The following ZNF584 variants were observed in gnomAD, a reference collection of about 807,000 sequenced individuals.
The protein encoded by ZNF584 is zinc finger protein 584.
ZNF584 carries 12 observed loss-of-function variants against 14.7 expected under a neutral mutation model. The ratio of observed to expected loss-of-function variants is 0.82; its 90% CI spans 0.52 to 1.32. ZNF584 has a LOEUF of 1.32. Among genes scored for constraint, ZNF584 ranks in the 40% most tolerant of loss-of-function variants. ZNF584 has a pLI of 0.00. For missense variants in ZNF584, 478 were observed against 518.8 expected, an observed-to-expected ratio of 0.92 and a Z score of 0.76; for synonymous variants, 204 against 190.9, an observed-to-expected ratio of 1.07 and a Z score of -0.57.
intron 3 of ZNF584, chr19:58,415,872 A>G (rs1180733052): frequency 6.3e-7 from 1 of 1,599,206 alleles, no homozygotes; most frequent in Non-Finnish European, 8.5e-7. Context: ...CCTTCTCTGT[A>G]TCTGTGCAGA....
rs11878198 is a variant in ZNF584 at position 58,408,935 on chromosome 19, A to G, written c.-213A>G. Reference sequence around the variant, plus strand: ...GAGTGGCTCCATCTTCCTCAGACTTATCGCTCGCGGACAGGCGCCGTGGGT... The same window carrying G: ...GAGTGGCTCCATCTTCCTCAGACTTGTCGCTCGCGGACAGGCGCCGTGGGT... On this transcript the variant is annotated 5_prime_UTR_variant, in exon 1 of 4. Coordinates refer to ENST00000306910, the MANE Select transcript of ZNF584 (RefSeq NM_173548.3). 96,154 of 498,846 alleles carry G rather than the reference A, an allele frequency of 0.19. 10,089 individuals are homozygous for G. The highest frequency in any genetic ancestry group is 0.22 in the Non-Finnish European group (63,402 of 291,436). 30.9% of individuals were successfully genotyped at this position (498,846 alleles called of 1,614,324 possible).
In ZNF584 at chr19:58,417,376, T is replaced by C; in HGVS notation, c.858T>C (p.Ile286=). Reference sequence around the variant, plus strand: ...CCTTCAGTGTTCTGTCTACCCTCATTCGGCACCGGAAAGTGCACATTGGAG... The same window carrying C: ...CCTTCAGTGTTCTGTCTACCCTCATCCGGCACCGGAAAGTGCACATTGGAG... The part of the protein sequence containing the change: ...GKTFSVLSTL[I]RHRKVHIGER... Residue 286 remains isoleucine, a synonymous_variant, in exon 4 of 4, where the codon ATT becomes ATC. Coordinates refer to ENST00000306910, the MANE Select transcript of ZNF584 (RefSeq NM_173548.3). 1.2e-6 allele frequency: 2 copies of C among 1,614,054 alleles called. No individual in the cohort carries two copies. Among genetic ancestry groups the C allele is most frequent in the Non-Finnish European group, 1.7e-6 (2 of 1,179,934 alleles).
intron 1 of ZNF584, 88 bp downstream of exon 1, chr19:58,409,253 T>A (rs1029041885): frequency 1.2e-5 from 16 of 1,330,378 alleles, no homozygotes; most frequent in Non-Finnish European, 1.5e-5. Context: ...GGGCAGGAGA[T>A]CTGCGTATGA....
At chr19:58,410,585 A>G (rs376106755) in intron 2 of ZNF584, among the ~76,000 whole-genome samples, 444 of 26,240 alleles carry the variant, frequency 0.017, 137 homozygotes, top group African/African-American at 0.13. Flanking sequence ...ATATATATGT[A>G]TATATATGTA....
chr19:58,409,122 T>C lies in ZNF584; in HGVS notation c.-26T>C, dbSNP rs761795866. ...GTTTCGGCTGAGGCCGTGGGTCCAG[T>C]CCACGGGTTCTGCCCGCACGGTCCA... On this transcript the variant is annotated 5_prime_UTR_variant, in exon 1 of 4. Coordinates refer to ENST00000306910, the MANE Select transcript of ZNF584 (RefSeq NM_173548.3). The C allele has an allele frequency of 3.4e-6, 5 of 1,467,356 alleles. No homozygotes were observed. In the South Asian group the frequency reaches 5.3e-5, roughly 16 times the overall value. The allele number at this position is 1,467,356 out of a possible 1,614,324, so 90.9% of individuals were successfully genotyped here.
Position 58,409,982 on chromosome 19 carries a change from G to A in ZNF584, c.60G>A (p.Glu20=). The A allele has an allele frequency of 1.2e-6, 2 of 1,614,090 alleles. No homozygotes were observed. The highest frequency in any genetic ancestry group is 2.7e-5 in the African/African-American group (2 of 75,014). ...CATTGCAGGGCTTGGTGATGTTTGA[G>A]GATGTGACGGTATATTTCTCCAGGG... The part of the protein sequence containing the change: ...DPSLQGLVMF[E]DVTVYFSREE... The change falls in exon 2 of 4, where the codon GAG becomes GAA. Residue 20 remains glutamate, a synonymous_variant. Coordinates refer to ENST00000306910, the MANE Select transcript of ZNF584 (RefSeq NM_173548.3).
chr19:58,406,706 G>C (rs2052476517), upstream of ZNF584: 1 of 152,256 alleles, frequency 6.6e-6, no homozygotes, highest in Admixed American at 6.5e-5. Flanking sequence ...AGTCTACCTG[G>C]TCCATCAATC....
intron 2 of ZNF584, among the ~76,000 whole-genome samples, chr19:58,414,073 G>A (rs1382188211): frequency 6.6e-6 from 1 of 150,754 alleles, no homozygotes; most frequent in Non-Finnish European, 1.5e-5. Context: ...CACCTGCCTC[G>A]GCCTCCCAAA....
chr19:58,404,639 A>C (rs1368155661), upstream of ZNF584: 1 of 231,846 alleles, frequency 4.3e-6, no homozygotes, highest in African/African-American at 2.4e-5. Context: ...ACCTCTTTCT[A>C]CACAGACACG....
chr19:58,412,646 G>C (rs2052591668), intron 2 of ZNF584, among the ~76,000 whole-genome samples: 1 of 152,120 alleles, frequency 6.6e-6, no homozygotes, highest in Non-Finnish European at 1.5e-5. Flanking sequence ...TGAGTATGAG[G>C]GTAATTTTGG....
In ZNF584 at chr19:58,410,603, GTATATATA is replaced by G. The variant is rs1181571877; in HGVS notation, c.169+514_169+521del. On this transcript the variant is annotated intron_variant, in intron 2 of 3. Coordinates refer to ENST00000306910, the MANE Select transcript of ZNF584 (RefSeq NM_173548.3). ...TATATGTATATATATGTATATATAT[GTATATATA>G]TGTGTATATATGTGTATATATGTGT... Among the ~76,000 whole-genome samples, 9 of 37,524 alleles carry G rather than the reference GTATATATA, an allele frequency of 2.4e-4. 1 individual carries two copies. Among genetic ancestry groups the G allele is most frequent in the South Asian group, 1.2e-3 (2 of 1,616 alleles). 24.6% of individuals were successfully genotyped at this position (37,524 alleles called of 152,430 possible).
At chr19:58,404,524 A>G (rs2052451182), upstream of ZNF584, 1 of 172,196 alleles carries the variant, frequency 5.8e-6, no homozygotes, top group South Asian at 9.6e-5. Flanking sequence ...GATACAGCAC[A>G]TGTTTCAGAG....
At chr19:58,411,977 G>GT (rs869258960) in intron 2 of ZNF584, among the ~76,000 whole-genome samples, 3,347 of 88,740 alleles carry the variant, frequency 0.038, 139 homozygotes, top group Non-Finnish European at 0.055. Context: ...TATAATACTT[G>GT]TTTTTTTTTT....
upstream of ZNF584, chr19:58,408,436 A>C (rs1466553908): frequency 1.3e-5 from 2 of 152,318 alleles, no homozygotes; most frequent in Non-Finnish European, 2.9e-5. Flanking sequence ...AGACTCCTCC[A>C]CACCGCCCAC....
chr19:58,408,882 C>G lies in ZNF584; in HGVS notation c.-266C>G. The stretch of plus-strand genomic sequence containing the variant: ...AGGTGAAGGGCAGGGACCTTTGCCG[C>G]GCCTTCCACGCGCCGTGCCCCACCG... On this transcript the variant is annotated 5_prime_UTR_variant, in exon 1 of 4. Coordinates refer to ENST00000306910, the MANE Select transcript of ZNF584 (RefSeq NM_173548.3). The G allele has an allele frequency of 2.5e-6, 1 of 401,586 alleles. No individual in the cohort carries two copies. The highest frequency in any genetic ancestry group is 4.5e-6 in the Non-Finnish European group (1 of 223,748). 24.9% of individuals were successfully genotyped at this position (401,586 alleles called of 1,614,324 possible). A position where few individuals can be genotyped will look rare whatever the true frequency, so the allele number is the denominator to read the frequency against.
Position 58,417,520 on chromosome 19 carries a change from C to T in ZNF584, c.1002C>T (p.Gly334=), listed in dbSNP as rs747665993. 2.5e-6 allele frequency: 4 copies of T among 1,614,188 alleles called. No homozygotes were observed. The Admixed American group carries it at 6.7e-5, about 27-fold the overall frequency. Residue 334 remains glycine, a synonymous_variant, in exon 4 of 4, where the codon GGC becomes GGT. Coordinates refer to ENST00000306910, the MANE Select transcript of ZNF584 (RefSeq NM_173548.3). The part of the protein sequence containing the change: ...RPFECKQCGK[G]YVTRSGLYQH... ...TTGAATGCAAGCAATGTGGGAAAGG[C>T]TACGTGACCCGTTCAGGCCTCTATC... is the stretch of plus-strand genomic sequence containing the variant.
At position 58,409,069 on chromosome 19, in the gene ZNF584, C is replaced by G; in HGVS notation, c.-79C>G. 6.9e-7 allele frequency: 1 copy of G among 1,447,610 alleles called. No homozygotes were observed. Among genetic ancestry groups the G allele is most frequent in the Non-Finnish European group, 9.2e-7 (1 of 1,088,204 alleles). The allele number at this position is 1,447,610 out of a possible 1,614,324, so 89.7% of individuals were successfully genotyped here. On this transcript the variant is annotated 5_prime_UTR_variant, in exon 1 of 4. Coordinates refer to ENST00000306910, the MANE Select transcript of ZNF584 (RefSeq NM_173548.3). ...AGAGCTTCCCGGGAAGGTTCCACGG[C>G]GGCCGAGGGTTTCCGCGCCCGGGAC...
Position 58,417,313 on chromosome 19 carries a change from T to C in ZNF584, c.795T>C (p.Thr265=), listed in dbSNP as rs1195458896. Residue 265 remains threonine (T), a synonymous_variant, in exon 4 of 4, where the codon ACT becomes ACC. Transcript: ENST00000306910. ...DALVLHQRIH[T]GERPYECSKC... ...TTGTTCTACACCAGAGGATTCACACTGGAGAAAGGCCTTACGAGTGCAGCA... is the reference window on the plus strand; with the variant it reads ...TTGTTCTACACCAGAGGATTCACACCGGAGAAAGGCCTTACGAGTGCAGCA... 3.1e-6 allele frequency: 5 copies of C among 1,614,094 alleles called. No homozygotes were observed. Among genetic ancestry groups the C allele is most frequent in the East Asian group, 4.5e-5 (2 of 44,904 alleles).
chr19:58,403,175 T>C (rs2052442763), intron 1 of ZNF584, among the ~76,000 whole-genome samples: 1 of 152,224 alleles, frequency 6.6e-6, no homozygotes, highest in Admixed American at 6.5e-5. Context: ...CACTCCTGGG[T>C]ATTTGCACAA....
Sources: gnomAD v4.1 joint callset for allele counts (sites outside exome capture counted in the v4.1 genomes callset) on GRCh38, gnomAD v4.1.1 for gene constraint, MANE v1.5 for transcripts, NCBI Gene and HGNC (gene_info 2026-07-23, HGNC 2026-07-21) for gene names.